Variants in UBAP1 observed in about 807,000 individuals in gnomAD.
The protein encoded by UBAP1 is ubiquitin-associated protein 1.
Under a neutral mutation model 39.0 loss-of-function variants are expected in UBAP1, and 5 were observed. That is an observed-to-expected ratio of 0.13 (90% CI 0.07 to 0.27). The LOEUF (loss-of-function observed/expected upper bound fraction) is 0.27, where lower values mean the gene tolerates loss of function less well. Among genes scored for constraint, UBAP1 ranks in the 10% least tolerant of loss-of-function variants. UBAP1 has a pLI of 1.00. For synonymous variants in UBAP1, 211 were observed against 225.1 expected (o/e 0.94, Z 0.56); for missense variants, 490 against 608.1 (o/e 0.81, Z 2.04).
At chr9:34,219,634 C>T (rs1312452012) in intron 1 of UBAP1, among the ~76,000 whole-genome samples, 1 of 151,022 alleles carries the variant, frequency 6.6e-6, no homozygotes, top group East Asian at 2.0e-4. Context: ...CATCCCTAAT[C>T]TGAAAAAAAT....
chr9:34,242,598 C>T (rs1363680097), intron 4 of UBAP1, among the ~76,000 whole-genome samples: 1 of 152,182 alleles, frequency 6.6e-6, no homozygotes, highest in Admixed American at 6.5e-5. Context: ...GGCACCATCT[C>T]GGCTCACTGC....
intron 1 of UBAP1, among the ~76,000 whole-genome samples, chr9:34,199,637 T>C (rs890301934): frequency 5.9e-5 from 9 of 151,518 alleles, no homozygotes; most frequent in Non-Finnish European, 8.8e-5. Context: ...CTTTTTTTTT[T>C]CTCTCTCTTT....
chr9:34,209,176 G>C (rs1018574096), intron 1 of UBAP1, among the ~76,000 whole-genome samples: 1 of 152,078 alleles, frequency 6.6e-6, no homozygotes, highest in African/African-American at 2.4e-5. Context: ...GACCTCAAGT[G>C]ATCTGCCTGC....
Position 34,202,584 on chromosome 9 carries a change from A to G in UBAP1, c.-7-18324A>G, listed in dbSNP as rs116213345. On this transcript the variant is annotated intron_variant, in intron 1 of 6. Transcript: ENST00000297661. Reference sequence around the variant, plus strand: ...AGCATTATAACAGAAGACTCCAGCAAGGGCTATGGGAGTTATGGGCCAGAA... The same window carrying G: ...AGCATTATAACAGAAGACTCCAGCAGGGGCTATGGGAGTTATGGGCCAGAA... 6.6e-3 allele frequency among the ~76,000 whole-genome samples: 963 copies of G among 145,156 alleles called. 12 individuals carry two copies. Among genetic ancestry groups the G allele is most frequent in the African/African-American group, 0.023 (896 of 38,430 alleles).
chr9:34,182,194 T>TTATG, intron 1 of UBAP1, among the ~76,000 whole-genome samples: 1 of 88,288 alleles, frequency 1.1e-5, no homozygotes, highest in South Asian at 4.0e-4. Flanking sequence ...ATTTATTTAT[T>TTATG]TATTTATTGA....
intron 1 of UBAP1, among the ~76,000 whole-genome samples, chr9:34,206,873 T>C (rs188657735): frequency 4.1e-4 from 63 of 152,242 alleles, no homozygotes; most frequent in African/African-American, 1.5e-3. Context: ...ATATACCAAA[T>C]GTTTATATTT....
intron 1 of UBAP1, among the ~76,000 whole-genome samples, chr9:34,218,338 A>G (rs957717242): frequency 6.8e-6 from 1 of 146,956 alleles, no homozygotes; most frequent in Non-Finnish European, 1.5e-5. Flanking sequence ...TCTTTATAAC[A>G]TTCCTGGTGT....
At chr9:34,193,245 A>T (rs1306436773) in intron 1 of UBAP1, among the ~76,000 whole-genome samples, 1 of 152,150 alleles carries the variant, frequency 6.6e-6, no homozygotes, top group African/African-American at 2.4e-5. Context: ...CAGGAGGTGG[A>T]GGTTGCAGTG....
At chr9:34,207,903 T>A (rs1048342307) in intron 1 of UBAP1, among the ~76,000 whole-genome samples, 3 of 152,210 alleles carry the variant, frequency 2.0e-5, no homozygotes, top group African/African-American at 7.2e-5. Flanking sequence ...GTTTTTATGC[T>A]TTTTATTTCT....
chr9:34,222,612 TAGTG>T (rs1356196882), intron 2 of UBAP1, among the ~76,000 whole-genome samples: 1 of 152,006 alleles, frequency 6.6e-6, no homozygotes, highest in Non-Finnish European at 1.5e-5. Flanking sequence ...CTCAGCAACA[TAGTG>T]AGACGCTGTC....
intron 1 of UBAP1, among the ~76,000 whole-genome samples, chr9:34,213,463 A>G (rs1189076986): frequency 6.6e-6 from 1 of 152,178 alleles, no homozygotes. Context: ...GTGAGCCGAG[A>G]TCGCACCATT....
intron 2 of UBAP1, chr9:34,224,441 C>T (rs1832939708): frequency 2.5e-6 from 1 of 396,052 alleles, no homozygotes. Flanking sequence ...GGAGAAATTC[C>T]CTACATGCAG....
rs1833576167 is a variant in UBAP1 at position 34,234,390 on chromosome 9, G to A, written c.159+50G>A. ...TTTAGTGCATTTAAAAGTTTAAAGA[G>A]TAAGAATTTGATGTATAGTGAAATA... On this transcript the variant is annotated intron_variant, in intron 3 of 6. Coordinates refer to ENST00000297661, the MANE Select transcript of UBAP1 (RefSeq NM_016525.5). The A allele has an allele frequency of 2.6e-6, 4 of 1,546,154 alleles. No homozygotes were observed. The East Asian group carries it at 6.8e-5, about 26-fold the overall frequency.
At position 34,241,791 on chromosome 9, in the gene UBAP1, C is replaced by G. The variant is rs753525957; in HGVS notation, c.766C>G (p.Pro256Ala). Residue 256 changes from proline (P) to alanine (A), a missense_variant, in exon 4 of 7, where the codon CCT becomes GCT. Around this residue, in one of 3 missense-constraint regions of UBAP1, gnomAD observed 339 missense variants for 390.0 expected, o/e 0.87. Transcript: ENST00000297661. ...ACTGTCTTCCAAAGTGTCCCTCCCCCCTATACCTGCAGTAAGCAATATCAA... is the reference window on the plus strand; with the variant it reads ...ACTGTCTTCCAAAGTGTCCCTCCCCGCTATACCTGCAGTAAGCAATATCAA... ...MSLSSKVSLP[P>A]IPAVSNIKSL... 10 of 1,613,998 alleles carry G rather than the reference C, an allele frequency of 6.2e-6. No individual in the cohort carries two copies. In the Admixed American group the frequency reaches 1.2e-4, roughly 19 times the overall value.
chr9:34,232,413 C>G (rs943843619), intron 2 of UBAP1, among the ~76,000 whole-genome samples: 7 of 152,216 alleles, frequency 4.6e-5, no homozygotes, highest in Non-Finnish European at 1.0e-4. Flanking sequence ...TTGGAAAATT[C>G]CTAGGGTGTT....
rs1290140743 is a variant in UBAP1, at chr9:34,242,089, C to T, written c.1064C>T (p.Pro355Leu). The T allele has an allele frequency of 4.4e-6, 7 of 1,597,102 alleles. No individual in the cohort carries two copies. The highest frequency in any genetic ancestry group is 8.6e-7 in the Non-Finnish European group (1 of 1,166,448). ...VLSVCTEESS[P>L]PNTGPTVTPP... ...TCTGTGTGCACAGAGGAATCATCAC[C>T]TCCAAATACTGGTCCCACGGTAAGT... is the stretch of plus-strand genomic sequence containing the variant. The change falls in exon 4 of 7, where the codon CCT becomes CTT. Residue 355 changes from proline to leucine, a missense_variant. Around this residue, in one of 3 missense-constraint regions of UBAP1, gnomAD observed 339 missense variants for 390.0 expected, o/e 0.87. Transcript: ENST00000297661.
At chr9:34,223,166 C>CA (rs1563909184) in intron 2 of UBAP1, among the ~76,000 whole-genome samples, 1 of 152,168 alleles carries the variant, frequency 6.6e-6, no homozygotes, top group Non-Finnish European at 1.5e-5. Context: ...CATGGTGGCT[C>CA]ACGCCTGTAA....
Position 34,241,225 on chromosome 9 carries a change from A to G in UBAP1, c.200A>G (p.Glu67Gly), listed in dbSNP as rs1833936189. The change falls in exon 4 of 7, where the codon GAA becomes GGA. Residue 67 changes from glutamate to glycine, a missense_variant. By Grantham distance (98) the Glu-to-Gly change is moderately conservative. Around this residue, in one of 3 missense-constraint regions of UBAP1, gnomAD observed 144 missense variants for 184.4 expected, o/e 0.78. Coordinates refer to ENST00000297661, the MANE Select transcript of UBAP1 (RefSeq NM_016525.5). The stretch of plus-strand genomic sequence containing the variant: ...GAAAAGAAAACCATTGAGTGGGCTG[A>G]AGAGATTAAGAAAATCGAAGAAGCC... ...SLEKKTIEWAEEIKKIEEAER... is the reference protein window; with the variant it reads ...SLEKKTIEWAGEIKKIEEAER... The G allele has an allele frequency of 6.7e-7, 1 of 1,499,002 alleles. No homozygotes were observed. Among genetic ancestry groups the G allele is most frequent in the Middle Eastern group, 1.8e-4 (1 of 5,570 alleles). The allele number at this position is 1,499,002 out of a possible 1,614,324, so 92.9% of individuals were successfully genotyped here.
chr9:34,224,555 C>A, intron 2 of UBAP1: 1 of 443,686 alleles, frequency 2.3e-6, no homozygotes, highest in East Asian at 4.7e-5. Flanking sequence ...CTCATACTTC[C>A]GCTTCTTGTG....
Sources: allele counts gnomAD v4.1 joint callset (sites outside exome capture counted in the v4.1 genomes callset), GRCh38; gene constraint gnomAD v4.1.1; regional missense constraint gnomAD v4.1.1; transcripts MANE v1.5; gene names NCBI Gene and HGNC (gene_info 2026-07-23, HGNC 2026-07-21).